UBL3: variants seen among roughly 807,000 people sequenced by gnomAD.
UBL3 encodes ubiquitin like 3.
Under a neutral mutation model 18.4 loss-of-function variants are expected in UBL3, and 6 were observed. The ratio of observed to expected loss-of-function variants is 0.33; its 90% CI spans 0.18 to 0.64. The LOEUF is 0.64. Among genes scored for constraint, UBL3 ranks in the 30% least tolerant of loss-of-function variants. The pLI is 0.76. For synonymous variants in UBL3, 49 were observed against 46.6 expected (o/e 1.05, Z -0.21); for missense variants, 109 against 142.9 (o/e 0.76, Z 1.21).
chr13:29,807,412 C>G (rs1877923602), intron 1 of UBL3, among the ~76,000 whole-genome samples: 1 of 152,192 alleles, frequency 6.6e-6, no homozygotes, highest in African/African-American at 2.4e-5. Flanking sequence ...AGCTGCCTTA[C>G]TGCTCCTGAG....
At chr13:29,819,126 G>A (rs965607954) in intron 1 of UBL3, among the ~76,000 whole-genome samples, 6 of 152,150 alleles carry the variant, frequency 3.9e-5, no homozygotes, top group Non-Finnish European at 7.4e-5. Flanking sequence ...TGTTGAAGCT[G>A]AGATATGGAT....
intron 1 of UBL3, among the ~76,000 whole-genome samples, chr13:29,795,433 T>A (rs1434912642): frequency 2.0e-5 from 3 of 152,070 alleles, no homozygotes; most frequent in African/African-American, 7.2e-5. Context: ...CATATAACTC[T>A]TACTAGATCC....
At position 29,772,142 on chromosome 13, in the gene UBL3, G is replaced by T. The variant is rs145634686; in HGVS notation, c.193C>A (p.Arg65=). The T allele has an allele frequency of 6.2e-7, 1 of 1,611,676 alleles. No individual in the cohort carries two copies. The change falls in exon 3 of 5, where the codon CGA becomes AGA. Residue 65 remains arginine (R), a synonymous_variant. Transcript: ENST00000380680. ...PNILRLIYQG[R]FLHGNVTLGA... is the part of the protein sequence containing the mutation. Reference sequence around the variant, plus strand: ...AATGTGACATTTCCATGTAGAAATCGTCCTTGATAAATAAGTCGTAGAATA... The same window carrying T: ...AATGTGACATTTCCATGTAGAAATCTTCCTTGATAAATAAGTCGTAGAATA...
intron 1 of UBL3, among the ~76,000 whole-genome samples, chr13:29,789,940 G>A (rs992395489): frequency 1.3e-5 from 2 of 152,128 alleles, no homozygotes; most frequent in East Asian, 1.9e-4. Context: ...CCCAGAGATG[G>A]TCTTTAATAT....
intron 1 of UBL3, among the ~76,000 whole-genome samples, chr13:29,796,078 G>T (rs1344945501): frequency 6.6e-6 from 1 of 152,086 alleles, no homozygotes; most frequent in Non-Finnish European, 1.5e-5. Context: ...TACCGCAAAG[G>T]AAGAAGCATG....
intron 4 of UBL3, 93 bp downstream of exon 4, chr13:29,767,525 T>C: frequency 1.4e-6 from 2 of 1,384,548 alleles, no homozygotes; most frequent in East Asian, 2.3e-5. Context: ...CTATGCAAAC[T>C]TCCCTTCCCT....
At chr13:29,794,574 C>A (rs569106742) in intron 1 of UBL3, among the ~76,000 whole-genome samples, 1 of 152,160 alleles carries the variant, frequency 6.6e-6, no homozygotes, top group Non-Finnish European at 1.5e-5. Context: ...TATAGAGCTA[C>A]GCAGTCACCA....
intron 4 of UBL3, 151 bp from the exon 5 acceptor site, chr13:29,767,458 A>T: frequency 8.1e-7 from 1 of 1,233,916 alleles, no homozygotes; most frequent in Non-Finnish European, 1.1e-6. Context: ...ATGTTCTTTT[A>T]ATTTTAGCAT....
intron 1 of UBL3, among the ~76,000 whole-genome samples, chr13:29,789,481 G>A (rs1027356044): frequency 6.6e-6 from 1 of 152,194 alleles, no homozygotes; most frequent in African/African-American, 2.4e-5. Context: ...TATTATTAGT[G>A]TGTTCAAGAT....
Position 29,849,674 on chromosome 13 carries a change from T to G in UBL3, c.-136A>C. ...GCTTTCTCCCCCAAAAATAAAGTTA[T>G]TTTGGAGCCAAAGTGCCGGTCAGGC... On this transcript the variant is annotated 5_prime_UTR_variant, in exon 1 of 5. Transcript: ENST00000380680. 8.4e-7 allele frequency: 1 copy of G among 1,197,032 alleles called. No homozygotes were observed. The highest frequency in any genetic ancestry group is 1.2e-6 in the Non-Finnish European group (1 of 839,362). 74.2% of individuals were successfully genotyped at this position (1,197,032 alleles called of 1,614,324 possible).
intron 1 of UBL3, among the ~76,000 whole-genome samples, chr13:29,819,989 G>C (rs1878383942): frequency 6.6e-6 from 1 of 152,168 alleles, no homozygotes; most frequent in South Asian, 2.1e-4. Context: ...AAGCTTTATA[G>C]GATGATTTAT....
intron 1 of UBL3, among the ~76,000 whole-genome samples, chr13:29,782,167 TTGTTCTAGA>T (rs1427375648): frequency 6.6e-6 from 1 of 152,214 alleles, no homozygotes; most frequent in Admixed American, 6.5e-5. Flanking sequence ...CTAGATGTCC[TTGTTCTAGA>T]TGTTCTAGAT....
At chr13:29,817,498 A>G (rs1379425867) in intron 1 of UBL3, among the ~76,000 whole-genome samples, 2 of 152,190 alleles carry the variant, frequency 1.3e-5, no homozygotes, top group African/African-American at 4.8e-5. Context: ...GGTGATGGAA[A>G]TAAGAATGGG....
Position 29,772,201 on chromosome 13 carries a change from GA to G in UBL3, c.137-4del. Reference sequence around the variant, plus strand: ...GCTGACCTGCTCTTCTTCCCAGTCTGAAAAGAATCCAGTGTACTGGTTAGGT... The same window carrying G: ...GCTGACCTGCTCTTCTTCCCAGTCTGAAAGAATCCAGTGTACTGGTTAGGT... On this transcript the variant is annotated splice_region_variant and splice_polypyrimidine_tract_variant and intron_variant, in intron 2 of 4. Transcript: ENST00000380680. 1 of 1,610,120 alleles carries G rather than the reference GA, an allele frequency of 6.2e-7. No homozygotes were observed. Among genetic ancestry groups the G allele is most frequent in the Non-Finnish European group, 8.5e-7 (1 of 1,177,522 alleles).
intron 1 of UBL3, among the ~76,000 whole-genome samples, chr13:29,810,512 C>T (rs1002788232): frequency 2.0e-5 from 3 of 152,018 alleles, no homozygotes; most frequent in African/African-American, 4.8e-5. Flanking sequence ...TTTAAAAGGC[C>T]AGATGCTGTA....
intron 1 of UBL3, 117 bp from the exon 2 acceptor site, chr13:29,777,380 G>T: frequency 1.3e-6 from 1 of 793,012 alleles, no homozygotes; most frequent in South Asian, 1.7e-5. Context: ...CCATATTGTG[G>T]TTTTTATTTA....
chr13:29,804,178 T>C (rs1395104239), intron 1 of UBL3, among the ~76,000 whole-genome samples: 1 of 151,230 alleles, frequency 6.6e-6, no homozygotes, highest in Admixed American at 6.6e-5. Context: ...CTCAAAACCA[T>C]ACAATTACAG....
intron 1 of UBL3, among the ~76,000 whole-genome samples, chr13:29,830,381 A>T (rs1878742509): frequency 6.6e-6 from 1 of 152,228 alleles, no homozygotes; most frequent in Non-Finnish European, 1.5e-5. Context: ...AAGTTTTCCC[A>T]GCTTTTGATT....
intron 1 of UBL3, among the ~76,000 whole-genome samples, chr13:29,828,056 G>T (rs1878671183): frequency 6.6e-6 from 1 of 152,184 alleles, no homozygotes; most frequent in Non-Finnish European, 1.5e-5. Flanking sequence ...TCAGCTGTTA[G>T]TCTGATGGGC....
Sources: gnomAD v4.1 joint callset for allele counts (sites outside exome capture counted in the v4.1 genomes callset) on GRCh38, gnomAD v4.1.1 for gene constraint, MANE v1.5 for transcripts, NCBI Gene and HGNC (gene_info 2026-07-23, HGNC 2026-07-21) for gene names.